The following MAGI1 variants were observed in gnomAD, a reference collection of about 807,000 sequenced individuals.
The protein encoded by MAGI1 is membrane associated guanylate kinase, WW and PDZ domain containing 1.
Under a neutral mutation model 139.9 loss-of-function variants are expected in MAGI1, and 58 were observed. That is an observed-to-expected ratio of 0.41 (90% CI 0.34 to 0.52). The LOEUF (loss-of-function observed/expected upper bound fraction) is 0.52, where lower values mean the gene tolerates loss of function less well. Among genes scored for constraint, MAGI1 ranks in the 20% least tolerant of loss-of-function variants. The probability of loss-of-function intolerance (pLI) is 0.12; values close to 1 mark genes in which losing one functional copy is unlikely to be tolerated. For synonymous variants in MAGI1, 812 were observed against 737.9 expected (o/e 1.10, Z -1.63); for missense variants, 1,874 against 1,901.6 (o/e 0.99, Z 0.27).
intron 2 of MAGI1, among the ~76,000 whole-genome samples, chr3:65,527,448 G>A (rs1303786534): frequency 2.6e-5 from 4 of 152,082 alleles, no homozygotes; most frequent in Non-Finnish European, 5.9e-5. Context: ...GGAGTTGGCC[G>A]GGCGTGGTGG....
At chr3:65,518,541 G>T (rs563133517) in intron 2 of MAGI1, among the ~76,000 whole-genome samples, 3 of 152,218 alleles carry the variant, frequency 2.0e-5, no homozygotes, top group African/African-American at 7.2e-5. Flanking sequence ...GATCTCAGTG[G>T]GATCCTGTAC....
At chr3:65,671,127 T>C (rs933768567) in intron 1 of MAGI1, among the ~76,000 whole-genome samples, 3 of 152,178 alleles carry the variant, frequency 2.0e-5, no homozygotes, top group Non-Finnish European at 2.9e-5. Flanking sequence ...ACTGTTAATA[T>C]CCCCATTTTA....
intron 1 of MAGI1, among the ~76,000 whole-genome samples, chr3:65,730,586 T>C (rs1170468961): frequency 1.3e-5 from 2 of 152,116 alleles, no homozygotes; most frequent in Non-Finnish European, 2.9e-5. Context: ...TTAGACCAAC[T>C]GTGATTCACG....
intron 2 of MAGI1, among the ~76,000 whole-genome samples, chr3:65,551,535 C>T (rs1327107445): frequency 7.9e-5 from 12 of 152,082 alleles, no homozygotes; most frequent in South Asian, 4.1e-4. Context: ...TTCCTGACCT[C>T]GTGATCCGCC....
intron 1 of MAGI1, among the ~76,000 whole-genome samples, chr3:65,647,486 A>AAAAC (rs1271468528): frequency 6.6e-6 from 1 of 152,166 alleles, no homozygotes; most frequent in African/African-American, 2.4e-5. Context: ...AGCATTCTAA[A>AAAAC]AAACAAACAA....
At chr3:65,575,727 G>T (rs1417542679) in intron 2 of MAGI1, among the ~76,000 whole-genome samples, 2 of 152,060 alleles carry the variant, frequency 1.3e-5, no homozygotes, top group African/African-American at 2.4e-5. Flanking sequence ...CAACATGAAT[G>T]GCTCTCAAAA....
intron 13 of MAGI1, among the ~76,000 whole-genome samples, chr3:65,394,151 T>G (rs535011698): frequency 8.5e-5 from 13 of 152,182 alleles, no homozygotes; most frequent in Non-Finnish European, 1.6e-4. Context: ...AACCTAGATC[T>G]CTTACATTTA....
At chr3:65,389,722 G>A (rs978268080) in intron 14 of MAGI1, among the ~76,000 whole-genome samples, 2 of 152,200 alleles carry the variant, frequency 1.3e-5, no homozygotes, top group African/African-American at 4.8e-5. Context: ...CAGGCCTCAG[G>A]GGTACTTTAG....
intron 2 of MAGI1, among the ~76,000 whole-genome samples, chr3:65,537,812 A>T (rs964856145): frequency 6.6e-6 from 1 of 152,264 alleles, no homozygotes; most frequent in East Asian, 1.9e-4. Flanking sequence ...GAGAAAGATT[A>T]TGAAGATAAT....
At chr3:66,006,912 C>A (rs1030607521) in intron 1 of MAGI1, among the ~76,000 whole-genome samples, 6 of 152,054 alleles carry the variant, frequency 3.9e-5, no homozygotes, top group Admixed American at 3.9e-4. Flanking sequence ...CTCACTGCAA[C>A]CTCAAATTCC....
At chr3:65,621,937 A>T in intron 2 of MAGI1, 35 bp downstream of exon 2, 1 of 1,446,684 alleles carries the variant, frequency 6.9e-7, no homozygotes, top group South Asian at 1.2e-5. Context: ...ACACACACAC[A>T]CACAGCAGTG....
At chr3:65,557,199 A>G (rs2080127064) in intron 2 of MAGI1, among the ~76,000 whole-genome samples, 1 of 152,212 alleles carries the variant, frequency 6.6e-6, no homozygotes, top group Non-Finnish European at 1.5e-5. Context: ...AGGAGAAGTG[A>G]CAGTATGCCA....
chr3:65,740,013 A>T (rs1351359813), intron 1 of MAGI1, among the ~76,000 whole-genome samples: 1 of 151,912 alleles, frequency 6.6e-6, no homozygotes, highest in Non-Finnish European at 1.5e-5. Flanking sequence ...AAAAAAATGC[A>T]GTATCTGCAA....
intron 1 of MAGI1, among the ~76,000 whole-genome samples, chr3:65,818,062 GTGTGTGTC>G (rs1293198115): frequency 6.6e-6 from 1 of 151,848 alleles, no homozygotes; most frequent in Non-Finnish European, 1.5e-5. Flanking sequence ...GTGTGTGTGT[GTGTGTGTC>G]TCTCTCTTTG....
chr3:65,885,089 T>C (rs972711511), intron 1 of MAGI1, among the ~76,000 whole-genome samples: 5 of 152,078 alleles, frequency 3.3e-5, no homozygotes, highest in African/African-American at 7.2e-5. Flanking sequence ...AGTCATAAAA[T>C]AGATACCTGG....
intron 3 of MAGI1, among the ~76,000 whole-genome samples, chr3:65,489,742 G>C (rs1395469959): frequency 6.6e-6 from 1 of 152,174 alleles, no homozygotes; most frequent in Admixed American, 6.5e-5. Context: ...AAGTAAACGA[G>C]ATATACATAT....
intron 1 of MAGI1, among the ~76,000 whole-genome samples, chr3:65,806,246 T>C (rs945650507): frequency 2.6e-5 from 4 of 151,940 alleles, no homozygotes; most frequent in Non-Finnish European, 5.9e-5. Flanking sequence ...CTGGCCAACA[T>C]GATGAAACCC....
At chr3:65,801,236 T>A (rs1361427125) in intron 1 of MAGI1, among the ~76,000 whole-genome samples, 1 of 152,186 alleles carries the variant, frequency 6.6e-6, no homozygotes, top group Non-Finnish European at 1.5e-5. Context: ...CAGCATGGGT[T>A]TAGCTTCAAG....
intron 1 of MAGI1, among the ~76,000 whole-genome samples, chr3:65,688,813 C>T (rs889086932): frequency 6.6e-6 from 1 of 152,158 alleles, no homozygotes; most frequent in Non-Finnish European, 1.5e-5. Context: ...GATGAATTAT[C>T]TATTCATCTT....
Sources: gnomAD v4.1 joint callset for allele counts (sites outside exome capture counted in the v4.1 genomes callset) on GRCh38, gnomAD v4.1.1 for gene constraint, MANE v1.5 for transcripts, NCBI Gene and HGNC (gene_info 2026-07-23, HGNC 2026-07-21) for gene names.